Variants in ZEB1 observed in about 807,000 individuals in gnomAD.
ZEB1 encodes zinc finger E-box-binding homeobox 1.
ZEB1 carries 21 observed loss-of-function variants against 84.9 expected under a neutral mutation model. The observed-to-expected ratio is 0.25, with a 90% confidence interval of 0.18 to 0.36. The LOEUF (loss-of-function observed/expected upper bound fraction) is 0.36. ZEB1 is among the 10% of genes least tolerant of loss of function. ZEB1 has a pLI of 1.00. For missense variants in ZEB1, 1,104 were observed against 1,330.2 expected (o/e 0.83, Z 2.65); for synonymous variants, 420 against 471.1 (o/e 0.89, Z 1.41).
At chr10:31,500,957 G>A (rs909917932) in intron 3 of ZEB1, among the ~76,000 whole-genome samples, 4 of 152,166 alleles carry the variant, frequency 2.6e-5, no homozygotes, top group Non-Finnish European at 4.4e-5. Context: ...ATTGAAAAGT[G>A]GGGAAAAAAA....
intron 1 of ZEB1, among the ~76,000 whole-genome samples, chr10:31,371,606 T>A (rs1463987796): frequency 2.6e-5 from 4 of 152,186 alleles, no homozygotes; most frequent in Non-Finnish European, 4.4e-5. Context: ...TGCTTGTTTC[T>A]CTCTTGGAAA....
intron 1 of ZEB1, among the ~76,000 whole-genome samples, chr10:31,434,666 T>A (rs968174598): frequency 6.6e-6 from 1 of 152,054 alleles, no homozygotes; most frequent in Non-Finnish European, 1.5e-5. Flanking sequence ...TGACACATGA[T>A]CAGAACACTG....
At chr10:31,330,824 G>C (rs927371668) in intron 1 of ZEB1, among the ~76,000 whole-genome samples, 3 of 66,922 alleles carry the variant, frequency 4.5e-5, no homozygotes, top group Non-Finnish European at 8.4e-5. Flanking sequence ...CTTATTTTAA[G>C]ATAGTTTTTT....
rs1276934548 is a variant in ZEB1, at chr10:31,510,719, T to C, written c.531T>C (p.Asp177=). 2.5e-6 allele frequency: 4 copies of C among 1,613,804 alleles called. No homozygotes were observed. Among genetic ancestry groups the C allele is most frequent in the African/African-American group, 1.3e-5 (1 of 74,938 alleles). ...FSQLLTCPYC[D]RGYKRFTSLK... is the part of the protein sequence containing the mutation. Reference sequence around the variant, plus strand: ...AATTACTCACCTGTCCATATTGTGATAGAGGCTATAAACGCTTTACCTCTC... The same window carrying C: ...AATTACTCACCTGTCCATATTGTGACAGAGGCTATAAACGCTTTACCTCTC... The change falls in exon 5 of 9, where the codon GAT becomes GAC. Residue 177 remains aspartate, a synonymous_variant. Transcript: ENST00000424869.
At chr10:31,505,347 A>G (rs1014591534) in intron 4 of ZEB1, among the ~76,000 whole-genome samples, 2 of 152,106 alleles carry the variant, frequency 1.3e-5, no homozygotes, top group Non-Finnish European at 2.9e-5. Flanking sequence ...TTTTTGGAAT[A>G]GTTTGAGGAG....
intron 1 of ZEB1, among the ~76,000 whole-genome samples, chr10:31,342,503 T>A (rs985841512): frequency 3.9e-5 from 6 of 152,126 alleles, no homozygotes; most frequent in Non-Finnish European, 8.8e-5. Context: ...AAGGGTCAAG[T>A]CTTAGCAGTG....
intron 1 of ZEB1, among the ~76,000 whole-genome samples, chr10:31,366,226 A>G (rs936996946): frequency 6.6e-6 from 1 of 152,180 alleles, no homozygotes; most frequent in African/African-American, 2.4e-5. Flanking sequence ...ATATACCAGG[A>G]CAGACTGGGA....
At chr10:31,347,422 G>A (rs867214205) in intron 1 of ZEB1, among the ~76,000 whole-genome samples, 29 of 152,164 alleles carry the variant, frequency 1.9e-4, no homozygotes, top group African/African-American at 6.7e-4. Context: ...TTTTGCCCAG[G>A]CTGGCCTTGA....
At chr10:31,511,046 C>T (rs1218448560) in intron 5 of ZEB1, among the ~76,000 whole-genome samples, 171 bp downstream of exon 5, 3 of 152,204 alleles carry the variant, frequency 2.0e-5, no homozygotes, top group African/African-American at 7.2e-5. Context: ...TCTGGTCATT[C>T]CTGAGATTAA....
chr10:31,494,323 C>A (rs1002312711), intron 2 of ZEB1, among the ~76,000 whole-genome samples: 1 of 151,966 alleles, frequency 6.6e-6, no homozygotes, highest in Non-Finnish European at 1.5e-5. Context: ...AGAAGTTAAT[C>A]TCATCATCTA....
chr10:31,394,791 G>C (rs192825203), intron 1 of ZEB1, among the ~76,000 whole-genome samples: 1 of 152,336 alleles, frequency 6.6e-6, no homozygotes, highest in East Asian at 1.9e-4. Flanking sequence ...TCTGCATCAT[G>C]AAGGATGGGA....
intron 1 of ZEB1, among the ~76,000 whole-genome samples, chr10:31,402,384 A>G (rs2052216920): frequency 6.6e-6 from 1 of 152,164 alleles, no homozygotes; most frequent in Admixed American, 6.6e-5. Context: ...CCTAGAAAAA[A>G]AAAATTGATG....
At chr10:31,410,638 C>T (rs2054062395) in intron 1 of ZEB1, among the ~76,000 whole-genome samples, 1 of 151,990 alleles carries the variant, frequency 6.6e-6, no homozygotes, top group African/African-American at 2.4e-5. Flanking sequence ...TGGTCCTGGG[C>T]TTTTTTTGGT....
At chr10:31,505,575 T>C (rs1302877909) in intron 4 of ZEB1, among the ~76,000 whole-genome samples, 1 of 151,952 alleles carries the variant, frequency 6.6e-6, no homozygotes, top group Non-Finnish European at 1.5e-5. Context: ...TGTTCATAAT[T>C]GTCTCTTTTG....
intron 1 of ZEB1, among the ~76,000 whole-genome samples, chr10:31,455,408 A>C (rs1445719351): frequency 6.6e-6 from 1 of 152,248 alleles, no homozygotes; most frequent in Non-Finnish European, 1.5e-5. Flanking sequence ...CAAAATTGAC[A>C]AATGGGATCT....
At chr10:31,495,888 TTG>T in intron 3 of ZEB1, 50 bp downstream of exon 3, 1 of 1,600,100 alleles carries the variant, frequency 6.2e-7, no homozygotes, top group African/African-American at 1.3e-5. Context: ...AAGAAGGTCT[TTG>T]TGTCACTGAT....
Position 31,489,044 on chromosome 10 carries a change from G to A in ZEB1, c.260-6732G>A, listed in dbSNP as rs572579745. Among the ~76,000 whole-genome samples, 6 of 151,194 alleles carry A rather than the reference G, an allele frequency of 4.0e-5. No homozygotes were observed. In the East Asian group the frequency reaches 1.2e-3, roughly 29 times the overall value. On this transcript the variant is annotated intron_variant, in intron 2 of 8. Coordinates refer to ENST00000424869, the MANE Select transcript of ZEB1 (RefSeq NM_001174096.2). ...TGCTAATTTTTTGTCTACTTGTTCT[G>A]TCAGTTAATGCAAGAGGAGTATTAG...
At chr10:31,386,987 A>G in intron 1 of ZEB1, 1 of 713,012 alleles carries the variant, frequency 1.4e-6, no homozygotes. Context: ...TTTGTGAATG[A>G]AGAGAATGTG....
At chr10:31,360,149 C>G (rs541254819) in intron 1 of ZEB1, among the ~76,000 whole-genome samples, 2 of 152,286 alleles carry the variant, frequency 1.3e-5, no homozygotes, top group East Asian at 1.9e-4. Context: ...TTTTACTTCA[C>G]TAAGTCCTGC....
Sources: gnomAD v4.1 joint callset for allele counts (sites outside exome capture counted in the v4.1 genomes callset) on GRCh38, gnomAD v4.1.1 for gene constraint, MANE v1.5 for transcripts, NCBI Gene and HGNC (gene_info 2026-07-23, HGNC 2026-07-21) for gene names.